GUCY2F: variants seen among roughly 807,000 people sequenced by gnomAD.
GUCY2F encodes guanylate cyclase 2F, retinal, also known as retinal guanylyl cyclase 2.
Under a neutral mutation model 73.1 loss-of-function variants are expected in GUCY2F, and 61 were observed. That is an observed-to-expected ratio of 0.83 (90% CI 0.68 to 1.03). The LOEUF (loss-of-function observed/expected upper bound fraction) is 1.03. GUCY2F is among the 50% of genes least tolerant of loss of function. GUCY2F has a pLI of 0.00. For missense variants in GUCY2F, 912 were observed against 854.3 expected, an observed-to-expected ratio of 1.07 and a Z score of -0.84; for synonymous variants, 331 against 307.8, an observed-to-expected ratio of 1.08 and a Z score of -0.79.
intron 9 of GUCY2F, among the ~76,000 whole-genome samples, chrX:109,407,252 C>CT (rs901338023): frequency 8.9e-6 from 1 of 112,291 alleles, no homozygotes; most frequent in African/African-American, 3.2e-5. Flanking sequence ...AGCAAAGACA[C>CT]TGGTGGCATT....
rs1190385457 is a variant in GUCY2F at position 109,398,445 on chromosome X, G to C, written c.2275+104C>G. 6 of 708,319 alleles carry C rather than the reference G, an allele frequency of 8.5e-6. No individual in the cohort carries two copies. In the East Asian group the frequency reaches 1.9e-4, roughly 23 times the overall value. The allele number at this position is 708,319 out of a possible 1,213,427, so 58.4% of individuals were successfully genotyped here. A position where few individuals can be genotyped will look rare whatever the true frequency, so the allele number is the denominator to read the frequency against. The stretch of plus-strand genomic sequence containing the variant: ...ACTTGAGCTGCTTGCAGACTATCAG[G>C]CTGTTAGCACTAACACTCTTCTGGA... On this transcript the variant is annotated intron_variant, in intron 11 of 19. Transcript: ENST00000218006.
At chrX:109,475,091 T>C in intron 2 of GUCY2F, 116 bp downstream of exon 2, 1 of 738,031 alleles carries the variant, frequency 1.4e-6, no homozygotes, top group East Asian at 3.2e-5. Context: ...AGGGCAAATG[T>C]GTAAAGAAAT....
intron 7 of GUCY2F, among the ~76,000 whole-genome samples, chrX:109,433,646 GT>G (rs1213752255): frequency 8.9e-6 from 1 of 112,005 alleles, no homozygotes; most frequent in Non-Finnish European, 1.9e-5. Flanking sequence ...TATTTGTTTT[GT>G]TTTTTTCTTT....
intron 8 of GUCY2F, among the ~76,000 whole-genome samples, chrX:109,412,441 T>TGAC (rs1931133530): frequency 9.0e-6 from 1 of 111,625 alleles, no homozygotes; most frequent in Admixed American, 9.5e-5. Context: ...CTTCTAAGCA[T>TGAC]AAGGGCCTGG....
chrX:109,376,470 T>A (rs1189078689), intron 17 of GUCY2F, among the ~76,000 whole-genome samples: 2 of 112,472 alleles, frequency 1.8e-5, no homozygotes, highest in African/African-American at 6.5e-5. Context: ...TCTTTTGGCA[T>A]TAGGTAAGCC....
intron 8 of GUCY2F, among the ~76,000 whole-genome samples, chrX:109,418,016 C>G (rs962390453): frequency 9.0e-6 from 1 of 111,042 alleles, no homozygotes; most frequent in African/African-American, 3.3e-5. Context: ...ATATTTCTTA[C>G]CATCTCTGTG....
In GUCY2F at chrX:109,441,481, C is replaced by A; in HGVS notation, c.1571G>T (p.Arg524Ile). The A allele has an allele frequency of 8.5e-7, 1 of 1,170,610 alleles. No individual in the cohort carries two copies. The highest frequency in any genetic ancestry group is 2.4e-5 in the Admixed American group (1 of 41,425). Residue 524 changes from arginine (R) to isoleucine (I), a missense_variant and splice_region_variant, in exon 7 of 20, where the codon AGA becomes ATA. Physicochemically the swap from Arg to Ile is moderately conservative, Grantham distance 97 (BLOSUM62 -3). Coordinates refer to ENST00000218006, the MANE Select transcript of GUCY2F (RefSeq NM_001522.3). ...GAAGCTTACACTGGCACGACTTCCT[C>A]TCTGTGAAAGGATTAGGAAAGAAAA... Reference protein sequence around the residue: ...TFINPHFGSKRGSRASVSFQI... With the variant: ...TFINPHFGSKIGSRASVSFQI...
At chrX:109,413,648 C>T (rs2147262714) in intron 8 of GUCY2F, among the ~76,000 whole-genome samples, 1 of 111,015 alleles carries the variant, frequency 9.0e-6, no homozygotes, top group East Asian at 2.9e-4. Flanking sequence ...TCAAGTGATC[C>T]ACTCGCCTTA....
At chrX:109,433,727 A>G (rs942360133) in intron 7 of GUCY2F, among the ~76,000 whole-genome samples, 2 of 111,890 alleles carry the variant, frequency 1.8e-5, no homozygotes, top group Admixed American at 9.6e-5. Flanking sequence ...ATCAAACTCT[A>G]TTCACTAAAC....
intron 7 of GUCY2F, among the ~76,000 whole-genome samples, chrX:109,437,739 C>A (rs775420722): frequency 1.8e-5 from 2 of 112,846 alleles, no homozygotes; most frequent in East Asian, 5.6e-4. Flanking sequence ...CAGTAAGCAA[C>A]CAAGATTGAG....
At chrX:109,435,828 T>A (rs1931731856) in intron 7 of GUCY2F, among the ~76,000 whole-genome samples, 1 of 111,810 alleles carries the variant, frequency 8.9e-6, no homozygotes, top group Non-Finnish European at 1.9e-5. Flanking sequence ...TGGAGAGTTT[T>A]TAGCATGAAG....
At chrX:109,373,468 C>T (rs190111204) in intron 19 of GUCY2F, among the ~76,000 whole-genome samples, 8 of 111,542 alleles carry the variant, frequency 7.2e-5, no homozygotes, top group Non-Finnish European at 1.5e-4. Flanking sequence ...TCTCTCCATT[C>T]GTTGAGTCCA....
At chrX:109,384,726 A>G (rs905778213) in intron 16 of GUCY2F, among the ~76,000 whole-genome samples, 12 of 111,989 alleles carry the variant, frequency 1.1e-4, no homozygotes, top group African/African-American at 3.2e-4. Flanking sequence ...AACTGGTTCA[A>G]AAAGGGGACT....
intron 6 of GUCY2F, among the ~76,000 whole-genome samples, chrX:109,445,011 T>C (rs1931966908): frequency 9.0e-6 from 1 of 111,678 alleles, no homozygotes; most frequent in African/African-American, 3.3e-5. Context: ...TCCACTGATA[T>C]GCCTCCTCTG....
In GUCY2F at chrX:109,476,013, T is replaced by C; in HGVS notation, c.-77A>G. 1 of 895,586 alleles carries C rather than the reference T, an allele frequency of 1.1e-6. No individual in the cohort carries two copies. The highest frequency in any genetic ancestry group is 3.2e-5 in the East Asian group (1 of 31,154). The allele number at this position is 895,586 out of a possible 1,213,427, so 73.8% of individuals were successfully genotyped here. ...CTTTCCCGACACAGACGGTGGTGTT[T>C]CCAAATGCCTGTCAATCAGAGGAAA... On this transcript the variant is annotated 5_prime_UTR_variant, in exon 2 of 20. Coordinates refer to ENST00000218006, the MANE Select transcript of GUCY2F (RefSeq NM_001522.3).
chrX:109,378,683 A>C (rs1384343294), intron 17 of GUCY2F, among the ~76,000 whole-genome samples: 1 of 111,480 alleles, frequency 9.0e-6, no homozygotes, highest in East Asian at 2.8e-4. Flanking sequence ...AGTGGGAAAG[A>C]CTGGGGAAAA....
At chrX:109,411,318 G>C (rs994737800) in intron 8 of GUCY2F, among the ~76,000 whole-genome samples, 1 of 108,744 alleles carries the variant, frequency 9.2e-6, no homozygotes, top group African/African-American at 3.4e-5. Flanking sequence ...TTACCTGAGA[G>C]GTTAGGTCCC....
intron 10 of GUCY2F, 95 bp from the exon 11 acceptor site, chrX:109,398,793 G>T: frequency 1.3e-6 from 1 of 778,246 alleles, no homozygotes; most frequent in Non-Finnish European, 1.9e-6. Flanking sequence ...TTTATTGACT[G>T]CCTTATATTT....
chrX:109,427,401 A>G (rs1180681010), intron 8 of GUCY2F, among the ~76,000 whole-genome samples: 1 of 112,203 alleles, frequency 8.9e-6, no homozygotes, highest in Non-Finnish European at 1.9e-5. Context: ...TAAGAGATAC[A>G]GCCTAATTTT....
Sources: gnomAD v4.1 joint callset for allele counts (sites outside exome capture counted in the v4.1 genomes callset) on GRCh38, gnomAD v4.1.1 for gene constraint, MANE v1.5 for transcripts, NCBI Gene and HGNC (gene_info 2026-07-23, HGNC 2026-07-21) for gene names.